The following NEK11 variants were observed in gnomAD, a reference collection of about 807,000 sequenced individuals.
The protein encoded by NEK11 is NIMA related kinase 11.
A neutral mutation model predicts 80.7 loss-of-function variants in NEK11; 72 were observed. The ratio of observed to expected loss-of-function variants is 0.89; its 90% CI spans 0.74 to 1.08. The LOEUF (loss-of-function observed/expected upper bound fraction) is 1.08, where lower values mean the gene tolerates loss of function less well. Among genes scored for constraint, NEK11 ranks in the 50% least tolerant of loss-of-function variants. The pLI is 0.00. For missense variants in NEK11, 764 were observed against 763.6 expected (o/e 1.00, Z -0.01); for synonymous variants, 251 against 260.7 (o/e 0.96, Z 0.36).
chr3:131,070,428 G>A (rs984117821), intron 3 of NEK11, among the ~76,000 whole-genome samples: 1 of 152,134 alleles, frequency 6.6e-6, no homozygotes, highest in Non-Finnish European at 1.5e-5. Context: ...TGTTAGGAGA[G>A]TAAGTCCTGA....
intron 3 of NEK11, chr3:131,053,517 T>C (rs1161731345): frequency 6.6e-6 from 1 of 152,224 alleles, no homozygotes; most frequent in Non-Finnish European, 1.5e-5. Flanking sequence ...TCCTAGCTTG[T>C]GTGTACACAA....
intron 16 of NEK11, among the ~76,000 whole-genome samples, chr3:131,261,260 T>C (rs2095914196): frequency 6.6e-6 from 1 of 152,222 alleles, no homozygotes; most frequent in South Asian, 2.1e-4. Flanking sequence ...TTGCCAAATG[T>C]GTCTTCGTAT....
rs575051839 is a variant in NEK11 at position 131,237,637 on chromosome 3, A to G, written c.1561-5799A>G. On this transcript the variant is annotated intron_variant, in intron 15 of 17. Coordinates refer to ENST00000383366, the MANE Select transcript of NEK11 (RefSeq NM_024800.5). ...GACATCCTGAAATAAGCATGTACGAAAGAACTCTAGACTCACATATCCAGT... is the reference window on the plus strand; with the variant it reads ...GACATCCTGAAATAAGCATGTACGAGAGAACTCTAGACTCACATATCCAGT... 4.0e-5 allele frequency among the ~76,000 whole-genome samples: 6 copies of G among 151,852 alleles called. No individual in the cohort carries two copies. In the South Asian group the frequency reaches 1.3e-3, roughly 32 times the overall value.
chr3:131,287,673 A>G (rs1010891204), intron 17 of NEK11, among the ~76,000 whole-genome samples: 2 of 152,118 alleles, frequency 1.3e-5, no homozygotes, highest in Admixed American at 6.5e-5. Context: ...TCCCTCTATC[A>G]ACATGGGAAA....
intron 3 of NEK11, among the ~76,000 whole-genome samples, chr3:131,063,421 T>C (rs1399081704): frequency 6.6e-6 from 1 of 152,206 alleles, no homozygotes; most frequent in African/African-American, 2.4e-5. Context: ...CCATCTTCTC[T>C]ATGCCCTGAA....
At chr3:131,204,324 T>C (rs964143138) in intron 14 of NEK11, among the ~76,000 whole-genome samples, 8 of 152,170 alleles carry the variant, frequency 5.3e-5, no homozygotes, top group Admixed American at 2.0e-4. Context: ...CATCAGTGTT[T>C]CCCTGAGTTC....
chr3:131,192,863 G>T (rs1225814011), intron 14 of NEK11, among the ~76,000 whole-genome samples: 1 of 152,184 alleles, frequency 6.6e-6, no homozygotes, highest in Non-Finnish European at 1.5e-5. Context: ...AGGGATGGTG[G>T]TGATGGTTGC....
At chr3:131,120,155 G>T (rs111786114) in intron 5 of NEK11, among the ~76,000 whole-genome samples, 1 of 152,266 alleles carries the variant, frequency 6.6e-6, no homozygotes, top group African/African-American at 2.4e-5. Context: ...CCTTCAGGAG[G>T]TCTTGTAAGG....
intron 14 of NEK11, among the ~76,000 whole-genome samples, chr3:131,194,196 T>C (rs554039324): frequency 6.6e-6 from 1 of 152,370 alleles, no homozygotes; most frequent in Non-Finnish European, 1.5e-5. Flanking sequence ...TTCCCAGTTA[T>C]ATTCTTAAAT....
intron 14 of NEK11, among the ~76,000 whole-genome samples, chr3:131,219,829 G>A (rs1484297486): frequency 6.6e-6 from 1 of 152,196 alleles, no homozygotes; most frequent in Non-Finnish European, 1.5e-5. Flanking sequence ...ACGAGGGTGT[G>A]CCAATTATAC....
At chr3:131,075,609 T>C (rs2074222926) in intron 3 of NEK11, among the ~76,000 whole-genome samples, 1 of 152,214 alleles carries the variant, frequency 6.6e-6, no homozygotes, top group Admixed American at 6.5e-5. Flanking sequence ...CCACCATCAA[T>C]TTCTATCTAC....
At chr3:131,196,221 G>A (rs2150332143) in intron 14 of NEK11, among the ~76,000 whole-genome samples, 1 of 152,130 alleles carries the variant, frequency 6.6e-6, no homozygotes, top group South Asian at 2.1e-4. Flanking sequence ...CCAGAACATT[G>A]CCTAAATATG....
chr3:131,132,729 T>G lies in NEK11; in HGVS notation c.456-16T>G, dbSNP rs776350406. 2.8e-6 allele frequency: 4 copies of G among 1,421,592 alleles called. No homozygotes were observed. The highest frequency in any genetic ancestry group is 2.3e-5 in the East Asian group (1 of 43,352). The allele number at this position is 1,421,592 out of a possible 1,614,324, so 88.1% of individuals were successfully genotyped here. A position where few individuals can be genotyped will look rare whatever the true frequency, so the allele number is the denominator to read the frequency against. ...ATATTCTGCATGAAGTTGTATATCT[T>G]TTTTGCCTTTTGTAGGAGGATACTT... On this transcript the variant is annotated splice_polypyrimidine_tract_variant and intron_variant, in intron 5 of 17. Coordinates refer to ENST00000383366, the MANE Select transcript of NEK11 (RefSeq NM_024800.5).
At chr3:131,160,502 A>C (rs962167608) in intron 10 of NEK11, among the ~76,000 whole-genome samples, 3 of 152,226 alleles carry the variant, frequency 2.0e-5, no homozygotes, top group African/African-American at 7.2e-5. Flanking sequence ...TCTAAGTGAC[A>C]CTATAGAGCA....
chr3:131,303,607 T>C (rs1334532898), intron 17 of NEK11, among the ~76,000 whole-genome samples: 1 of 152,208 alleles, frequency 6.6e-6, no homozygotes, highest in Non-Finnish European at 1.5e-5. Context: ...TTTTTGTTTA[T>C]GAAGCTTAGT....
chr3:131,339,540 G>A (rs972497281), intron 17 of NEK11, among the ~76,000 whole-genome samples: 1 of 152,176 alleles, frequency 6.6e-6, no homozygotes, highest in African/African-American at 2.4e-5. Context: ...CAGCTGCTTT[G>A]AGAAGTGATT....
chr3:131,083,157 G>A (rs1045735749), intron 4 of NEK11, among the ~76,000 whole-genome samples: 1 of 152,230 alleles, frequency 6.6e-6, no homozygotes, highest in Admixed American at 6.5e-5. Context: ...TGCCAAATGA[G>A]CCCAAAGCAT....
chr3:131,163,877 A>G (rs2091927636), intron 11 of NEK11, among the ~76,000 whole-genome samples: 1 of 152,218 alleles, frequency 6.6e-6, no homozygotes, highest in Non-Finnish European at 1.5e-5. Flanking sequence ...TCAATTTCTG[A>G]AAGACTGATT....
intron 17 of NEK11, among the ~76,000 whole-genome samples, chr3:131,286,244 G>A (rs2096468795): frequency 6.6e-6 from 1 of 152,180 alleles, no homozygotes; most frequent in Admixed American, 6.5e-5. Flanking sequence ...CTGCAAAACA[G>A]ATGGCCAGGG....
Sources: gnomAD v4.1 joint callset for allele counts (sites outside exome capture counted in the v4.1 genomes callset) on GRCh38, gnomAD v4.1.1 for gene constraint, MANE v1.5 for transcripts, NCBI Gene and HGNC (gene_info 2026-07-23, HGNC 2026-07-21) for gene names.